The following ZNF175 variants were observed in gnomAD, a reference collection of about 807,000 sequenced individuals.
The protein encoded by ZNF175 is zinc finger protein OTK18.
ZNF175 carries 8 observed loss-of-function variants against 14.0 expected under a neutral mutation model. The observed-to-expected ratio is 0.57, with a 90% CI of 0.34 to 1.03. The LOEUF (loss-of-function observed/expected upper bound fraction) is 1.03, where lower values mean the gene tolerates loss of function less well. ZNF175 is among the 50% of genes least tolerant of loss of function. The probability of loss-of-function intolerance (pLI) is 0.03; values close to 1 mark genes in which losing one functional copy is unlikely to be tolerated. For missense variants in ZNF175, 764 were observed against 849.5 expected (o/e 0.90, Z 1.25); for synonymous variants, 255 against 296.8 (o/e 0.86, Z 1.45).
chr19:51,583,739 T>C (rs934923138), intron 4 of ZNF175, among the ~76,000 whole-genome samples: 6 of 152,222 alleles, frequency 3.9e-5, no homozygotes, highest in African/African-American at 7.2e-5. Context: ...TTCAGTGATA[T>C]TGTCCTCATG....
Position 51,581,396 on chromosome 19 carries a change from A to G in ZNF175, c.78A>G (p.Ser26=). The G allele has an allele frequency of 1.2e-6, 2 of 1,614,172 alleles. No individual in the cohort carries two copies. Among genetic ancestry groups the G allele is most frequent in the East Asian group, 4.5e-5 (2 of 44,890 alleles). ...GCTGGGGTACACTGTTACAGGCATC[A>G]GTGTCATTTGAGGACGTGACCGTGG... ...PEKQDGSCEA[S]VSFEDVTVDF... The change falls in exon 3 of 5, where the codon TCA becomes TCG. Residue 26 remains serine, a synonymous_variant. Transcript: ENST00000262259.
At chr19:51,573,510 C>T (rs542291597) in intron 2 of ZNF175, 109 bp downstream of exon 2, 7 of 1,039,740 alleles carry the variant, frequency 6.7e-6, no homozygotes, top group South Asian at 5.7e-5. Flanking sequence ...TCCTGTCAAG[C>T]GAGGACCACA....
At chr19:51,583,752 C>T (rs1982085674) in intron 4 of ZNF175, among the ~76,000 whole-genome samples, 1 of 152,090 alleles carries the variant, frequency 6.6e-6, no homozygotes, top group South Asian at 2.1e-4. Context: ...TCCTCATGGC[C>T]ACATATTTCC....
rs761746269 is a variant in ZNF175 at position 51,581,790 on chromosome 19, A to G, written c.203A>G (p.Tyr68Cys). The G allele has an allele frequency of 3.1e-6, 5 of 1,613,742 alleles. No homozygotes were observed. In the South Asian group the frequency reaches 4.4e-5, roughly 14 times the overall value. The change falls in exon 4 of 5, where the codon TAT becomes TGT. Residue 68 changes from tyrosine (Y) to cysteine (C), a missense_variant. Transcript: ENST00000262259. ...CAGTATCCTTTCTAATTAACAGGGT[A>G]TCACATTCCCAACCCAGAGGTCATC... ...ELYSHLFAVG[Y>C]HIPNPEVIFR...
intron 2 of ZNF175, chr19:51,574,004 A>G (rs1220236735): frequency 6.6e-6 from 1 of 152,436 alleles, no homozygotes; most frequent in Non-Finnish European, 1.5e-5. Context: ...ACAAGAAATC[A>G]GAATTCTTGG....
intron 1 of ZNF175, among the ~76,000 whole-genome samples, chr19:51,572,204 G>T (rs1253211041): frequency 6.6e-6 from 1 of 152,178 alleles, no homozygotes; most frequent in Non-Finnish European, 1.5e-5. Flanking sequence ...TTGGCTATCA[G>T]GGCAGTAAAG....
intron 4 of ZNF175, among the ~76,000 whole-genome samples, chr19:51,582,587 G>A (rs952797229): frequency 5.3e-5 from 8 of 152,248 alleles, no homozygotes; most frequent in Admixed American, 1.3e-4. Flanking sequence ...GTGAGCCACC[G>A]CACCCAGCCT....
chr19:51,586,306 T>C (rs1304768252), intron 4 of ZNF175, among the ~76,000 whole-genome samples: 1 of 152,178 alleles, frequency 6.6e-6, no homozygotes, highest in Non-Finnish European at 1.5e-5. Flanking sequence ...AGCAAAGTGA[T>C]CTTGGCCAAT....
Position 51,587,201 on chromosome 19 carries a change from G to A in ZNF175, c.870G>A (p.Gln290=), listed in dbSNP as rs1041567034. 6.2e-7 allele frequency: 1 copy of A among 1,614,198 alleles called. No individual in the cohort carries two copies. Among genetic ancestry groups the A allele is most frequent in the South Asian group, 1.1e-5 (1 of 91,084 alleles). ...CTGAATGTGGGGGGAGCTTCACCCA[G>A]AAGTCACACCTCTTTGCCCAACAGA... The part of the protein sequence containing the change: ...GCSECGGSFT[Q]KSHLFAQQRI... The change falls in exon 5 of 5, where the codon CAG becomes CAA. Residue 290 remains glutamine, a synonymous_variant. Coordinates refer to ENST00000262259, the MANE Select transcript of ZNF175 (RefSeq NM_007147.4).
rs755960313 is a variant in ZNF175, at chr19:51,588,476, T to G, written c.*9T>G. 6.6e-7 allele frequency: 1 copy of G among 1,526,066 alleles called. No homozygotes were observed. The highest frequency in any genetic ancestry group is 8.7e-7 in the Non-Finnish European group (1 of 1,144,704). 94.5% of individuals were successfully genotyped at this position (1,526,066 alleles called of 1,614,324 possible). ...GCTTTACCAAGCAATGAATTCCTAG[T>G]GCATCAGCATATTCATAAATGAAAT... On this transcript the variant is annotated 3_prime_UTR_variant, in exon 5 of 5. Coordinates refer to ENST00000262259, the MANE Select transcript of ZNF175 (RefSeq NM_007147.4).
intron 2 of ZNF175, among the ~76,000 whole-genome samples, chr19:51,576,196 G>A (rs1167391398): frequency 6.7e-6 from 1 of 149,268 alleles, no homozygotes; most frequent in Non-Finnish European, 1.5e-5. Context: ...TGTCTCCCAG[G>A]CTGGAGTGCA....
intron 3 of ZNF175, 75 bp downstream of exon 3, chr19:51,581,592 G>A: frequency 6.4e-7 from 1 of 1,558,966 alleles, no homozygotes; most frequent in Non-Finnish European, 8.7e-7. Flanking sequence ...GCAGAACGCA[G>A]TGGGATATCA....
rs80148697 is a variant in ZNF175, at chr19:51,587,156, G to A, written c.825G>A (p.Gln275=). 1 of 1,614,198 alleles carries A rather than the reference G, an allele frequency of 6.2e-7. No homozygotes were observed. Among genetic ancestry groups the A allele is most frequent in the Non-Finnish European group, 8.5e-7 (1 of 1,180,016 alleles). ...TCAAGCAACATCAAATTCATACTCA[G>A]AAGAAACCAGATGGATGTTCTGAAT... ...QSLKQHQIHT[Q]KKPDGCSECG... The change falls in exon 5 of 5, where the codon CAG becomes CAA. Residue 275 remains glutamine (Q), a synonymous_variant. Coordinates refer to ENST00000262259, the MANE Select transcript of ZNF175 (RefSeq NM_007147.4).
In ZNF175 at chr19:51,588,558, G is replaced by A; in HGVS notation, c.*91G>A. 7.2e-7 allele frequency: 1 copy of A among 1,386,618 alleles called. No homozygotes were observed. The highest frequency in any genetic ancestry group is 1.5e-5 in the African/African-American group (1 of 68,938). The allele number at this position is 1,386,618 out of a possible 1,614,324, so 85.9% of individuals were successfully genotyped here. A position where few individuals can be genotyped will look rare whatever the true frequency, so the allele number is the denominator to read the frequency against. On this transcript the variant is annotated 3_prime_UTR_variant, in exon 5 of 5. Coordinates refer to ENST00000262259, the MANE Select transcript of ZNF175 (RefSeq NM_007147.4). The stretch of plus-strand genomic sequence containing the variant: ...TTCTCAGAATCAGGTCTAATTATAT[G>A]TTATTGAATTCATGCTTCAGAAAAA...
At chr19:51,582,211 T>TCTTGCTTGCTTGCTTG (rs1982029108) in intron 4 of ZNF175, among the ~76,000 whole-genome samples, 1 of 152,252 alleles carries the variant, frequency 6.6e-6, no homozygotes, top group Admixed American at 6.5e-5. Context: ...CATTTGCACA[T>TCTTGCTTGCTTGCTTG]CTTGCTTGCT....
Position 51,580,685 on chromosome 19 carries a change from T to C in ZNF175, c.73-706T>C, listed in dbSNP as rs151139094. ...AGGCACCAGCCCACTTCTTTGGAGCTTGGATGGTAACCACCTTCCAAACAT... is the reference window on the plus strand; with the variant it reads ...AGGCACCAGCCCACTTCTTTGGAGCCTGGATGGTAACCACCTTCCAAACAT... On this transcript the variant is annotated intron_variant, in intron 2 of 4. Transcript: ENST00000262259. Among the ~76,000 whole-genome samples, 442 of 152,338 alleles carry C rather than the reference T, an allele frequency of 2.9e-3. 2 individuals carry two copies. The highest frequency in any genetic ancestry group is 0.01 in the African/African-American group (429 of 41,576).
intron 2 of ZNF175, among the ~76,000 whole-genome samples, chr19:51,578,018 T>C (rs1445366883): frequency 6.6e-6 from 1 of 152,086 alleles, no homozygotes; most frequent in Non-Finnish European, 1.5e-5. Context: ...TAGGTAATTA[T>C]AGTTAGTCAT....
intron 2 of ZNF175, among the ~76,000 whole-genome samples, chr19:51,576,929 C>T (rs1022988000): frequency 2.0e-5 from 3 of 152,012 alleles, no homozygotes; most frequent in African/African-American, 2.4e-5. Context: ...GTTCAGATAA[C>T]GGAGACTAAA....
chr19:51,573,411 G>C lies in ZNF175; in HGVS notation c.72+10G>C. ...GGATGGATCTTGCGAGGTAAACAGG[G>C]GCAGCCCTGGGGATAGTTCTCCAGA... On this transcript the variant is annotated intron_variant, in intron 2 of 4. Transcript: ENST00000262259. 2 of 1,612,654 alleles carry C rather than the reference G, an allele frequency of 1.2e-6. No homozygotes were observed. Among genetic ancestry groups the C allele is most frequent in the Non-Finnish European group, 1.7e-6 (2 of 1,179,502 alleles).
Sources: allele counts gnomAD v4.1 joint callset (sites outside exome capture counted in the v4.1 genomes callset), GRCh38; gene constraint gnomAD v4.1.1; transcripts MANE v1.5; gene names NCBI Gene and HGNC (gene_info 2026-07-23, HGNC 2026-07-21).